FER1L6: variants seen among roughly 807,000 people sequenced by gnomAD.
The protein encoded by FER1L6 is fer-1-like protein 6.
FER1L6 carries 177 observed loss-of-function variants against 219.2 expected under a neutral mutation model. The ratio of observed to expected loss-of-function variants is 0.81; its 90% CI spans 0.71 to 0.91. The LOEUF (loss-of-function observed/expected upper bound fraction) is 0.91. Ranked by LOEUF, FER1L6 falls within the 40% of genes least tolerant of loss-of-function variation. The pLI is 0.00. For missense variants in FER1L6, 2,153 were observed against 2,259.9 expected (o/e 0.95, Z 0.96); for synonymous variants, 768 against 824.3 (o/e 0.93, Z 1.17).
chr8:123,900,505 G>A (rs914014345), intron 1 of FER1L6, among the ~76,000 whole-genome samples: 6 of 151,984 alleles, frequency 3.9e-5, no homozygotes, highest in African/African-American at 1.4e-4. Flanking sequence ...GTCTGCTCTG[G>A]CTAGGACTTC....
chr8:123,883,220 G>T (rs148321477), intron 1 of FER1L6, among the ~76,000 whole-genome samples: 1 of 152,186 alleles, frequency 6.6e-6, no homozygotes, highest in African/African-American at 2.4e-5. Context: ...CAGAGGTGGG[G>T]CTGTGCTGTG....
At chr8:123,880,242 G>A (rs1817083451) in intron 1 of FER1L6, among the ~76,000 whole-genome samples, 1 of 152,038 alleles carries the variant, frequency 6.6e-6, no homozygotes, top group Non-Finnish European at 1.5e-5. Context: ...TGATTGACCA[G>A]CTGATCGACC....
intron 1 of FER1L6, among the ~76,000 whole-genome samples, chr8:123,904,254 G>GTGTGTGTGTA (rs1270302682): frequency 6.6e-6 from 1 of 151,626 alleles, no homozygotes; most frequent in Non-Finnish European, 1.5e-5. Context: ...GTGTGTGTGT[G>GTGTGTGTGTA]TGTGTGTGTG....
chr8:124,057,766 G>A (rs780035577), intron 22 of FER1L6, among the ~76,000 whole-genome samples: 2 of 151,968 alleles, frequency 1.3e-5, no homozygotes, highest in Admixed American at 6.6e-5. Flanking sequence ...CATTTCTCCT[G>A]CCTCTTTTTT....
chr8:124,067,558 C>T (rs925460191), intron 27 of FER1L6, among the ~76,000 whole-genome samples: 11 of 152,150 alleles, frequency 7.2e-5, no homozygotes, highest in East Asian at 3.9e-4. Flanking sequence ...CTTGGAAGTG[C>T]GGATACCTCT....
chr8:124,107,194 C>T (rs1822817002), intron 39 of FER1L6, among the ~76,000 whole-genome samples: 2 of 152,094 alleles, frequency 1.3e-5, no homozygotes, highest in South Asian at 4.1e-4. Flanking sequence ...GTGATCCGCC[C>T]GCCTCAGCCT....
chr8:123,973,908 G>T (rs970281619), intron 7 of FER1L6, among the ~76,000 whole-genome samples: 3 of 152,214 alleles, frequency 2.0e-5, no homozygotes, highest in Non-Finnish European at 4.4e-5. Context: ...TAGAAATGAA[G>T]ATAACTTACT....
intron 32 of FER1L6, among the ~76,000 whole-genome samples, chr8:124,079,552 C>A (rs905064036): frequency 3.9e-5 from 6 of 152,280 alleles, no homozygotes; most frequent in Non-Finnish European, 7.4e-5. Context: ...CTGACCGTCA[C>A]CCTGTGAGTA....
intron 3 of FER1L6, among the ~76,000 whole-genome samples, chr8:123,963,622 G>C (rs925097508): frequency 3.0e-4 from 46 of 152,324 alleles, no homozygotes; most frequent in Middle Eastern, 3.4e-3. Context: ...GGTTCTACAA[G>C]CTTCTGGTCT....
intron 10 of FER1L6, among the ~76,000 whole-genome samples, chr8:123,980,216 A>G (rs1189250917): frequency 6.6e-6 from 1 of 152,218 alleles, no homozygotes; most frequent in African/African-American, 2.4e-5. Context: ...ACATTTGATG[A>G]ATAAGTGAAC....
intron 19 of FER1L6, among the ~76,000 whole-genome samples, 172 bp downstream of exon 19, chr8:124,035,626 C>T (rs1338368804): frequency 6.6e-6 from 1 of 152,144 alleles, no homozygotes; most frequent in Non-Finnish European, 1.5e-5. Context: ...TTCATTGTCC[C>T]ATCTAAAAAG....
chr8:123,857,831 A>AT (rs1255460504), intron 1 of FER1L6, among the ~76,000 whole-genome samples: 1 of 152,126 alleles, frequency 6.6e-6, no homozygotes, highest in Non-Finnish European at 1.5e-5. Context: ...TACTGCCGGA[A>AT]TTTTCTGGAC....
chr8:123,882,155 C>T (rs547806254), intron 1 of FER1L6, among the ~76,000 whole-genome samples: 5 of 151,834 alleles, frequency 3.3e-5, no homozygotes, highest in African/African-American at 9.7e-5. Context: ...AAGGGAATGT[C>T]CTGGAACTCC....
In FER1L6 at chr8:123,966,013, A is replaced by T. The variant is rs751294049; in HGVS notation, c.204A>T (p.Lys68Asn). ...VPSASPKRRSKLLTKIHDGEV... is the reference protein window; with the variant it reads ...VPSASPKRRSNLLTKIHDGEV... ...TTAAACTTTCTTTTAATAGATCAAA[A>T]CTGTTGACTAAGATCCATGATGGGG... Residue 68 changes from lysine (K) to asparagine (N), a missense_variant, in exon 4 of 41, where the codon AAA becomes AAT. Coordinates refer to ENST00000522917, the MANE Select transcript of FER1L6 (RefSeq NM_001039112.2). 5.0e-6 allele frequency: 8 copies of T among 1,613,222 alleles called. No individual in the cohort carries two copies. In the South Asian group the frequency reaches 7.7e-5, roughly 16 times the overall value.
At chr8:123,901,647 A>G (rs895240366) in intron 1 of FER1L6, among the ~76,000 whole-genome samples, 1 of 150,970 alleles carries the variant, frequency 6.6e-6, no homozygotes, top group African/African-American at 2.4e-5. Context: ...AGGGCCATGA[A>G]CTTTCCTCTT....
At chr8:124,104,502 C>T (rs1275840639) in intron 39 of FER1L6, among the ~76,000 whole-genome samples, 1 of 152,166 alleles carries the variant, frequency 6.6e-6, no homozygotes, top group East Asian at 1.9e-4. Flanking sequence ...AATGAAAAGG[C>T]ATTTTATAGA....
chr8:124,006,568 G>C (rs541947089), intron 13 of FER1L6, among the ~76,000 whole-genome samples: 2 of 152,198 alleles, frequency 1.3e-5, no homozygotes, highest in African/African-American at 4.8e-5. Context: ...CCATTAAAAT[G>C]TCACCTTGGA....
At chr8:123,925,396 A>C (rs1221421442) in intron 1 of FER1L6, among the ~76,000 whole-genome samples, 1 of 152,232 alleles carries the variant, frequency 6.6e-6, no homozygotes, top group Non-Finnish European at 1.5e-5. Context: ...CCTGTCTTTC[A>C]GGACAGAGCT....
At chr8:123,965,925 T>C (rs1815514215) in intron 3 of FER1L6, 82 bp from the exon 4 acceptor site, 2 of 1,226,118 alleles carry the variant, frequency 1.6e-6, no homozygotes. Flanking sequence ...TGAAAGGACT[T>C]AGAAATACTT....
Sources: allele counts gnomAD v4.1 joint callset (sites outside exome capture counted in the v4.1 genomes callset), GRCh38; gene constraint gnomAD v4.1.1; transcripts MANE v1.5; gene names NCBI Gene and HGNC (gene_info 2026-07-23, HGNC 2026-07-21).